Variants in HSPA12A observed in about 807,000 individuals in gnomAD.
The protein encoded by HSPA12A is heat shock protein family A (Hsp70) member 12A, also known as heat shock 70 kDa protein 12A.
HSPA12A carries 28 observed loss-of-function variants against 69.2 expected under a neutral mutation model. The ratio of observed to expected loss-of-function variants is 0.40; its 90% CI spans 0.30 to 0.55. The LOEUF is 0.55. Among genes scored for constraint, HSPA12A ranks in the 20% least tolerant of loss-of-function variants. The pLI, the probability that HSPA12A is intolerant of heterozygous loss-of-function variation, is 0.38. For missense variants in HSPA12A, 686 were observed against 900.7 expected, an observed-to-expected ratio of 0.76 and a Z score of 3.05; for synonymous variants, 345 against 370.5, an observed-to-expected ratio of 0.93 and a Z score of 0.79.
At chr10:116,766,507 T>A (rs148927640) in intron 2 of HSPA12A, among the ~76,000 whole-genome samples, 119 of 152,284 alleles carry the variant, frequency 7.8e-4, no homozygotes, top group Non-Finnish European at 1.4e-3. Flanking sequence ...CTTCTGCCCA[T>A]CTGCATCTTC....
intron 2 of HSPA12A, among the ~76,000 whole-genome samples, chr10:116,764,379 A>G (rs571711514): frequency 2.0e-5 from 3 of 152,366 alleles, no homozygotes; most frequent in African/African-American, 7.2e-5. Context: ...GATTCACTCA[A>G]TGAAATTCTA....
chr10:116,791,425 A>T (rs1041264449), intron 2 of HSPA12A, among the ~76,000 whole-genome samples: 1 of 152,192 alleles, frequency 6.6e-6, no homozygotes, highest in Non-Finnish European at 1.5e-5. Flanking sequence ...TCCACCCAAC[A>T]TACTGGCTCC....
At chr10:116,754,523 T>A (rs1843787078) in intron 2 of HSPA12A, among the ~76,000 whole-genome samples, 1 of 152,198 alleles carries the variant, frequency 6.6e-6, no homozygotes, top group African/African-American at 2.4e-5. Context: ...AAATAGACAC[T>A]GAGCAAATAG....
intron 2 of HSPA12A, among the ~76,000 whole-genome samples, chr10:116,825,060 C>T (rs371282574): frequency 6.6e-6 from 1 of 151,604 alleles, no homozygotes; most frequent in Admixed American, 6.6e-5. Flanking sequence ...TGGTGGTGCA[C>T]GCCTGTAGTC....
chr10:116,768,383 G>A (rs1844127484), intron 2 of HSPA12A, among the ~76,000 whole-genome samples: 1 of 152,144 alleles, frequency 6.6e-6, no homozygotes, highest in Non-Finnish European at 1.5e-5. Flanking sequence ...ATAGGTACAG[G>A]GTTTCTCTTT....
intron 2 of HSPA12A, among the ~76,000 whole-genome samples, chr10:116,805,094 A>T (rs913115191): frequency 5.3e-5 from 8 of 152,160 alleles, no homozygotes; most frequent in Non-Finnish European, 1.0e-4. Context: ...AGGCTGGTGG[A>T]TCACGAGGTC....
chr10:116,777,890 G>C (rs1392378286), intron 2 of HSPA12A, among the ~76,000 whole-genome samples: 2 of 152,160 alleles, frequency 1.3e-5, no homozygotes, highest in Non-Finnish European at 2.9e-5. Context: ...AACATGCCCA[G>C]CTAATTTTTG....
chr10:116,725,873 A>G (rs1162658840), intron 1 of HSPA12A, among the ~76,000 whole-genome samples: 1 of 152,112 alleles, frequency 6.6e-6, no homozygotes, highest in Non-Finnish European at 1.5e-5. Flanking sequence ...GAAATCTTAA[A>G]AAGACCCCAG....
At chr10:116,712,272 A>C (rs189674668) in intron 1 of HSPA12A, among the ~76,000 whole-genome samples, 12 of 152,304 alleles carry the variant, frequency 7.9e-5, no homozygotes, top group African/African-American at 2.9e-4. Flanking sequence ...CAATCCTGGA[A>C]CACCCCACCC....
intron 1 of HSPA12A, among the ~76,000 whole-genome samples, chr10:116,728,668 G>A (rs1366460406): frequency 6.6e-6 from 1 of 152,220 alleles, no homozygotes; most frequent in Non-Finnish European, 1.5e-5. Context: ...TCTCTAGATA[G>A]CTTCTTCCCT....
chr10:116,795,679 G>C (rs1164267767), intron 2 of HSPA12A, among the ~76,000 whole-genome samples: 1 of 32,910 alleles, frequency 3.0e-5, no homozygotes, highest in African/African-American at 1.2e-4. Context: ...GTGAGATTCT[G>C]TCTCAAAAAA....
intron 2 of HSPA12A, among the ~76,000 whole-genome samples, chr10:116,759,511 T>C (rs544822564): frequency 1.3e-5 from 2 of 152,348 alleles, no homozygotes; most frequent in Non-Finnish European, 2.9e-5. Context: ...GTTACCTTAA[T>C]TGGTTTAAGT....
At chr10:116,788,299 T>C (rs758950411) in intron 2 of HSPA12A, among the ~76,000 whole-genome samples, 42 of 152,192 alleles carry the variant, frequency 2.8e-4, no homozygotes, top group African/African-American at 9.9e-4. Flanking sequence ...CACGCTTGAG[T>C]GTTCCAAACG....
At position 116,679,646 on chromosome 10, in the gene HSPA12A, G is replaced by A; in HGVS notation, c.1143C>T (p.Asp381=). 1.2e-6 allele frequency: 2 copies of A among 1,614,268 alleles called. No homozygotes were observed. Among genetic ancestry groups the A allele is most frequent in the South Asian group, 2.2e-5 (2 of 91,092 alleles). The change falls in exon 10 of 12, where the codon GAC becomes GAT. Residue 381 remains aspartate (D), a synonymous_variant. Coordinates refer to ENST00000369209, the MANE Select transcript of HSPA12A (RefSeq NM_025015.3). ...TGCGAGACTCAAACGCAATCATTAA[G>A]TCAACCCAGGCTGCAGGGCGTTTGA... The part of the protein sequence containing the change: ...FKIKRPAAWV[D]LMIAFESRKR...
intron 1 of HSPA12A, among the ~76,000 whole-genome samples, chr10:116,726,021 A>ACACACGCGCG (rs1554884956): frequency 2.0e-5 from 1 of 50,788 alleles, no homozygotes; most frequent in Non-Finnish European, 3.7e-5. Context: ...AGACACACAC[A>ACACACGCGCG]CACACGCACA....
intron 1 of HSPA12A, among the ~76,000 whole-genome samples, chr10:116,730,704 C>T (rs924389317): frequency 4.6e-5 from 7 of 152,274 alleles, no homozygotes; most frequent in African/African-American, 1.4e-4. Context: ...ATGCCCACCC[C>T]CAACCTGTTC....
intron 2 of HSPA12A, chr10:116,831,684 G>A (rs1267909223): frequency 6.6e-6 from 1 of 152,170 alleles, no homozygotes; most frequent in Non-Finnish European, 1.5e-5. Flanking sequence ...CAGAAAACCT[G>A]TAATTCACAT....
chr10:116,714,537 T>C lies in HSPA12A; in HGVS notation c.41-7252A>G, dbSNP rs563641244. 1.1e-3 allele frequency among the ~76,000 whole-genome samples: 169 copies of C among 152,278 alleles called. 1 individual carries two copies. The highest frequency in any genetic ancestry group is 3.9e-3 in the African/African-American group (163 of 41,562). On this transcript the variant is annotated intron_variant, in intron 1 of 11. Transcript: ENST00000369209. ...TCCTCCTGAACTTTCAGTCTCCCTG[T>C]CCTGGGCCTGCCCCCTCCCCCAGAC...
At chr10:116,755,117 C>T (rs929955965) in intron 2 of HSPA12A, among the ~76,000 whole-genome samples, 1 of 152,020 alleles carries the variant, frequency 6.6e-6, no homozygotes, top group African/African-American at 2.4e-5. Flanking sequence ...CCATGCCCAG[C>T]TAATTTTTGT....
Sources: allele counts gnomAD v4.1 joint callset (sites outside exome capture counted in the v4.1 genomes callset), GRCh38; gene constraint gnomAD v4.1.1; transcripts MANE v1.5; gene names NCBI Gene and HGNC (gene_info 2026-07-23, HGNC 2026-07-21).